Variants in STMN4 observed in about 807,000 individuals in gnomAD.
STMN4 encodes stathmin 4.
Under a neutral mutation model 29.1 loss-of-function variants are expected in STMN4, and 12 were observed. That is an observed-to-expected ratio of 0.41 (90% CI 0.26 to 0.67). STMN4 has a LOEUF of 0.67. STMN4 is among the 30% of genes least tolerant of loss of function. The probability of loss-of-function intolerance (pLI) is 0.30; values close to 1 mark genes in which losing one functional copy is unlikely to be tolerated. For missense variants in STMN4, 181 were observed against 262.8 expected (o/e 0.69, Z 2.15); for synonymous variants, 114 against 105.3 (o/e 1.08, Z -0.51).
chr8:27,252,145 A>ATT (rs36141789), intron 1 of STMN4, among the ~76,000 whole-genome samples: 1 of 150,652 alleles, frequency 6.6e-6, no homozygotes, highest in African/African-American at 2.5e-5. Flanking sequence ...CGAACTCATC[A>ATT]TTTTTTATGG....
chr8:27,249,404 T>C (rs1474911103), intron 1 of STMN4, among the ~76,000 whole-genome samples: 17 of 152,214 alleles, frequency 1.1e-4, no homozygotes, highest in Admixed American at 1.1e-3. Flanking sequence ...AGGCATTTAG[T>C]GGGCAGAGGC....
At chr8:27,243,663 G>T in intron 2 of STMN4, 48 bp downstream of exon 2, 1 of 1,583,876 alleles carries the variant, frequency 6.3e-7, no homozygotes, top group Non-Finnish European at 8.7e-7. Flanking sequence ...GTTGGGTGAG[G>T]GCAGGGGGAA....
intron 1 of STMN4, among the ~76,000 whole-genome samples, chr8:27,254,896 C>T (rs562998271): frequency 8.0e-6 from 1 of 125,632 alleles, no homozygotes; most frequent in South Asian, 2.6e-4. Context: ...TGGGAGCATT[C>T]ACATGTGTGT....
At chr8:27,256,494 C>G (rs2130183363) in intron 1 of STMN4, among the ~76,000 whole-genome samples, 1 of 152,112 alleles carries the variant, frequency 6.6e-6, no homozygotes, top group East Asian at 1.9e-4. Flanking sequence ...TTGACTGAAG[C>G]TCACAAAAGG....
intron 1 of STMN4, among the ~76,000 whole-genome samples, chr8:27,254,975 A>G (rs1359610685): frequency 6.6e-6 from 1 of 151,818 alleles, no homozygotes; most frequent in Non-Finnish European, 1.5e-5. Flanking sequence ...GTGGGGGTTC[A>G]TGTGTGTGCA....
intron 6 of STMN4, among the ~76,000 whole-genome samples, chr8:27,237,417 TG>T (rs1801341787): frequency 6.6e-6 from 1 of 152,166 alleles, no homozygotes; most frequent in Non-Finnish European, 1.5e-5. Context: ...GATTTTCCTT[TG>T]TTATTATTTA....
At chr8:27,244,763 G>A (rs1256059852) in intron 1 of STMN4, among the ~76,000 whole-genome samples, 2 of 152,206 alleles carry the variant, frequency 1.3e-5, no homozygotes, top group South Asian at 2.1e-4. Flanking sequence ...GGCGGGGCAG[G>A]AGACAAAACA....
intron 1 of STMN4, among the ~76,000 whole-genome samples, chr8:27,249,836 C>T (rs1288131158): frequency 1.3e-5 from 2 of 152,148 alleles, no homozygotes; most frequent in Non-Finnish European, 2.9e-5. Context: ...CTCTGACTGC[C>T]CATACGACAG....
chr8:27,237,682 A>G (rs1468133207), intron 6 of STMN4, among the ~76,000 whole-genome samples: 2 of 152,228 alleles, frequency 1.3e-5, no homozygotes, highest in East Asian at 3.8e-4. Flanking sequence ...GCCAAAAGAT[A>G]GCATCTGCCT....
intron 1 of STMN4, among the ~76,000 whole-genome samples, chr8:27,254,549 A>G (rs1049752593): frequency 1.3e-5 from 2 of 152,080 alleles, no homozygotes; most frequent in African/African-American, 4.8e-5. Flanking sequence ...ATTGATGGAA[A>G]GGCCAGCAAG....
chr8:27,242,214 A>C (rs1421256529), intron 3 of STMN4, 183 bp downstream of exon 3: 1 of 629,638 alleles, frequency 1.6e-6, no homozygotes, highest in African/African-American at 1.8e-5. Context: ...GCCTCCCCCT[A>C]GTGCCCAGGC....
At chr8:27,251,544 C>T (rs1801786457) in intron 1 of STMN4, among the ~76,000 whole-genome samples, 2 of 151,688 alleles carry the variant, frequency 1.3e-5, no homozygotes, top group South Asian at 4.1e-4. Flanking sequence ...TTGAATATTG[C>T]TTTATGATTA....
intron 6 of STMN4, chr8:27,239,412 C>T (rs1801400354): frequency 1.0e-6 from 1 of 961,830 alleles, no homozygotes. Flanking sequence ...ACAGAACCAA[C>T]CCCGGCCTCA....
chr8:27,252,366 G>A (rs1801815395), intron 1 of STMN4, among the ~76,000 whole-genome samples: 1 of 152,110 alleles, frequency 6.6e-6, no homozygotes, highest in Non-Finnish European at 1.5e-5. Flanking sequence ...TCCAGTTATA[G>A]ATCCCTGAGG....
chr8:27,239,871 G>T, intron 6 of STMN4, 100 bp downstream of exon 6: 1 of 1,591,266 alleles, frequency 6.3e-7, no homozygotes, highest in Non-Finnish European at 8.6e-7. Context: ...TTTGCCTGAG[G>T]CTGCTTCCTC....
At chr8:27,239,151 C>A in intron 6 of STMN4, 2 of 1,471,268 alleles carry the variant, frequency 1.4e-6, no homozygotes, top group South Asian at 2.6e-5. Context: ...GAAACCAGAT[C>A]CTTCTAGGAC....
At chr8:27,240,505 A>T (rs551450175) in intron 5 of STMN4, among the ~76,000 whole-genome samples, 1 of 152,364 alleles carries the variant, frequency 6.6e-6, no homozygotes, top group East Asian at 1.9e-4. Context: ...CAGAGGTAAG[A>T]CATATATACA....
chr8:27,245,341 G>A (rs760924159), intron 1 of STMN4, among the ~76,000 whole-genome samples: 10 of 152,248 alleles, frequency 6.6e-5, no homozygotes, highest in South Asian at 2.1e-4. Context: ...TGCCATGTGC[G>A]GATGGGGAAA....
intron 1 of STMN4, among the ~76,000 whole-genome samples, chr8:27,245,382 A>G (rs945434185): frequency 2.6e-5 from 4 of 152,226 alleles, no homozygotes; most frequent in Admixed American, 1.3e-4. Flanking sequence ...GTGCCTGCTC[A>G]GGGCAATGCA....
Sources: gnomAD v4.1 joint callset for allele counts (sites outside exome capture counted in the v4.1 genomes callset) on GRCh38, gnomAD v4.1.1 for gene constraint, MANE v1.5 for transcripts, NCBI Gene and HGNC (gene_info 2026-07-23, HGNC 2026-07-21) for gene names.